The following CPS1 variants were observed in gnomAD, a reference collection of about 807,000 sequenced individuals.
CPS1 encodes the protein carbamoyl-phosphate synthase 1.
CPS1 carries 109 observed loss-of-function variants against 174.6 expected under a neutral mutation model. The ratio of observed to expected loss-of-function variants is 0.62; its 90% CI spans 0.53 to 0.73. CPS1 has a LOEUF of 0.73. Ranked by LOEUF, CPS1 falls within the 30% of genes least tolerant of loss-of-function variation. The pLI is 0.00. For missense variants in CPS1, 1,689 were observed against 1,821.9 expected, an observed-to-expected ratio of 0.93 and a Z score of 1.33; for synonymous variants, 637 against 632.0, an observed-to-expected ratio of 1.01 and a Z score of -0.12.
Position 210,679,041 on chromosome 2 carries a change from T to A in CPS1, c.*1056T>A, listed in dbSNP as rs549195498. 1 of 152,326 alleles carries A rather than the reference T, an allele frequency of 6.6e-6. No homozygotes were observed. Among genetic ancestry groups the A allele is most frequent in the South Asian group, 2.1e-4 (1 of 4,832 alleles). 9.4% of individuals were successfully genotyped at this position (152,326 alleles called of 1,614,324 possible). A position where few individuals can be genotyped will look rare whatever the true frequency, so the allele number is the denominator to read the frequency against. On this transcript the variant is annotated 3_prime_UTR_variant, in exon 38 of 38. Transcript: ENST00000233072. ...CCCCAAGGGCAGCCTTTGTTACTTT[T>A]AAATATTTTCTGTTATTACAAGTGC... is the stretch of plus-strand genomic sequence containing the variant.
Position 210,608,427 on chromosome 2 carries a change from C to T in CPS1, c.2259C>T (p.Val753=), listed in dbSNP as rs771293294. 1.2e-5 allele frequency: 19 copies of T among 1,612,334 alleles called. No homozygotes were observed. The highest frequency in any genetic ancestry group is 2.7e-5 in the African/African-American group (2 of 74,750). The part of the protein sequence containing the change: ...LGIPLPEIKN[V]VSGKTSACFE... Reference sequence around the variant, plus strand: ...TCCCACTTCCAGAAATTAAGAACGTCGTATCCGGGAAGACATCAGCCTGTT... The same window carrying T: ...TCCCACTTCCAGAAATTAAGAACGTTGTATCCGGGAAGACATCAGCCTGTT... The change falls in exon 19 of 38, where the codon GTC becomes GTT. Residue 753 remains valine (V), a synonymous_variant. Coordinates refer to ENST00000233072, the MANE Select transcript of CPS1 (RefSeq NM_001875.5).
chr2:210,485,240 A>AAAAAT lies in CPS1; in HGVS notation c.3+7478_3+7479insTAAAA, dbSNP rs1443655858. 5.9e-4 allele frequency among the ~76,000 whole-genome samples: 69 copies of AAAAAT among 116,302 alleles called. 1 individual carries two copies. The highest frequency in any genetic ancestry group is 6.8e-4 in the African/African-American group (25 of 37,006). 76.3% of individuals were successfully genotyped at this position (116,302 alleles called of 152,430 possible). On this transcript the variant is annotated intron_variant, in intron 1 of 38. Transcript: ENST00000430249. ...GAGCAAGACTACATCTCAAAAAAAA[A>AAAAAT]AAAAATAAAATAAAAATAAAAATAG...
rs540710309 is a variant in CPS1, at chr2:210,478,680, T to C, written c.3+914T>C. ...TGAGGATTTAGCTTCATATTCAAAATGTCTTTGTCTACTCATAGACTGCAA... is the reference window on the plus strand; with the variant it reads ...TGAGGATTTAGCTTCATATTCAAAACGTCTTTGTCTACTCATAGACTGCAA... On this transcript the variant is annotated intron_variant, in intron 1 of 38. Transcript: ENST00000430249. Among the ~76,000 whole-genome samples, 112 of 152,358 alleles carry C rather than the reference T, an allele frequency of 7.4e-4. 3 individuals are homozygous for C. The South Asian group carries it at 0.023, about 32-fold the overall frequency.
Position 210,638,425 on chromosome 2 carries a change from T to G in CPS1, c.2829+582T>G, listed in dbSNP as rs565667981. On this transcript the variant is annotated intron_variant, in intron 22 of 37. Transcript: ENST00000233072. ...CCTTTGGCCTTTAATGGAAGGGATG[T>G]CTTAGTTTAAAGTACCACCAGCTGG... Among the ~76,000 whole-genome samples the G allele has an allele frequency of 1.1e-4, 16 of 152,266 alleles. No homozygotes were observed. In the South Asian group the frequency reaches 3.3e-3, roughly 32 times the overall value.
Position 210,590,917 on chromosome 2 carries a change from T to C in CPS1, c.947+11T>C. 1 of 1,606,878 alleles carries C rather than the reference T, an allele frequency of 6.2e-7. No homozygotes were observed. Among genetic ancestry groups the C allele is most frequent in the Non-Finnish European group, 8.5e-7 (1 of 1,174,950 alleles). On this transcript the variant is annotated intron_variant, in intron 9 of 37. Coordinates refer to ENST00000233072, the MANE Select transcript of CPS1 (RefSeq NM_001875.5). ...GTCCATGGCCAACAGGTGAGGTATT[T>C]TCACTTTTGCTTACAGTAAACCAGC...
rs189683105 is a variant in CPS1 at position 210,662,624 on chromosome 2, G to A, written c.3928-499G>A. Among the ~76,000 whole-genome samples the A allele has an allele frequency of 1.1e-4, 16 of 152,338 alleles. No individual in the cohort carries two copies. The East Asian group carries it at 2.5e-3, about 24-fold the overall frequency. On this transcript the variant is annotated intron_variant, in intron 32 of 37. Coordinates refer to ENST00000233072, the MANE Select transcript of CPS1 (RefSeq NM_001875.5). ...GTTTCCAAGCAGAATGTTTTTCAAA[G>A]CTTTTAAGAGGTGTCAACAACAGTT...
chr2:210,671,848 G>GAGC (rs1183979390), intron 34 of CPS1: 2 of 152,144 alleles, frequency 1.3e-5, no homozygotes, highest in Non-Finnish European at 2.9e-5. Flanking sequence ...GCAGGTCTTA[G>GAGC]AGGACTTGCT....
intron 1 of CPS1, among the ~76,000 whole-genome samples, chr2:210,560,013 A>G (rs533584965): frequency 1.3e-5 from 2 of 152,264 alleles, no homozygotes; most frequent in East Asian, 3.9e-4. Flanking sequence ...TATGGACTAC[A>G]AGTTGTTGCA....
chr2:210,533,309 A>G (rs1268115842), intron 1 of CPS1, among the ~76,000 whole-genome samples: 1 of 152,176 alleles, frequency 6.6e-6, no homozygotes, highest in Non-Finnish European at 1.5e-5. Context: ...CAAAAATAAC[A>G]ACAATAACAG....
intron 1 of CPS1, among the ~76,000 whole-genome samples, chr2:210,533,556 G>T (rs1696170936): frequency 6.6e-6 from 1 of 152,178 alleles, no homozygotes; most frequent in Admixed American, 6.5e-5. Flanking sequence ...TCTCGAGTCT[G>T]TGTTCTCCGG....
At chr2:210,559,331 C>T (rs896903669) in intron 1 of CPS1, among the ~76,000 whole-genome samples, 4 of 151,932 alleles carry the variant, frequency 2.6e-5, no homozygotes, top group Admixed American at 1.3e-4. Flanking sequence ...GTTGCTTTTT[C>T]GACATATTTA....
At chr2:210,646,135 C>T (rs1310073448) in intron 25 of CPS1, among the ~76,000 whole-genome samples, 2 of 152,100 alleles carry the variant, frequency 1.3e-5, no homozygotes, top group African/African-American at 4.8e-5. Context: ...TAAGTTGCTA[C>T]TTCTCCCTCA....
chr2:210,494,978 A>G (rs1042171746), intron 1 of CPS1, among the ~76,000 whole-genome samples: 1 of 152,172 alleles, frequency 6.6e-6, no homozygotes, highest in Non-Finnish European at 1.5e-5. Context: ...AAACATACCA[A>G]TTAAATTAGA....
At chr2:210,500,507 G>A (rs889725685) in intron 1 of CPS1, among the ~76,000 whole-genome samples, 2 of 152,162 alleles carry the variant, frequency 1.3e-5, no homozygotes, top group African/African-American at 4.8e-5. Flanking sequence ...CCAAATGGGA[G>A]AAATTGGCCA....
intron 32 of CPS1, among the ~76,000 whole-genome samples, chr2:210,662,052 A>C (rs920161189): frequency 6.7e-6 from 1 of 150,000 alleles, no homozygotes; most frequent in African/African-American, 2.5e-5. Flanking sequence ...GGTAGCTGGG[A>C]TTATAAGCAC....
intron 1 of CPS1, among the ~76,000 whole-genome samples, chr2:210,550,615 A>G (rs1467976409): frequency 2.0e-5 from 3 of 151,986 alleles, no homozygotes. Flanking sequence ...TTCAGGCAAG[A>G]TCATACTTAT....
Position 210,491,611 on chromosome 2 carries a change from A to T in CPS1, c.3+13845A>T, listed in dbSNP as rs138298082. On this transcript the variant is annotated intron_variant, in intron 1 of 38. Transcript: ENST00000430249. ...TAGAGGCATGAGCCACCGCACCTGG[A>T]CATGTTTGTTTTTTTCCTGGTGTTC... Among the ~76,000 whole-genome samples, 279 of 152,098 alleles carry T rather than the reference A, an allele frequency of 1.8e-3. 1 individual carries two copies. The Middle Eastern group carries it at 0.048, about 26-fold the overall frequency.
At chr2:210,593,617 A>C in intron 11 of CPS1, 3 of 985,308 alleles carry the variant, frequency 3.0e-6, no homozygotes, top group Non-Finnish European at 3.6e-6. Context: ...ACTTCCCCAC[A>C]CCCAGGGGCC....
chr2:210,605,854 G>C (rs1698889408), intron 17 of CPS1, among the ~76,000 whole-genome samples: 1 of 151,876 alleles, frequency 6.6e-6, no homozygotes, highest in South Asian at 2.1e-4. Context: ...AAGGACATAG[G>C]TATAGAAAGA....
Sources: gnomAD v4.1 joint callset for allele counts (sites outside exome capture counted in the v4.1 genomes callset) on GRCh38, gnomAD v4.1.1 for gene constraint, MANE v1.5 for transcripts, NCBI Gene and HGNC (gene_info 2026-07-23, HGNC 2026-07-21) for gene names.